The following CNTRL variants were observed in gnomAD, a reference collection of about 807,000 sequenced individuals.
The protein encoded by CNTRL is centriolin.
Under a neutral mutation model 303.7 loss-of-function variants are expected in CNTRL, and 233 were observed. The ratio of observed to expected loss-of-function variants is 0.77; its 90% CI spans 0.69 to 0.86. The LOEUF (loss-of-function observed/expected upper bound fraction) is 0.86. Ranked by LOEUF, CNTRL falls within the 40% of genes least tolerant of loss-of-function variation. The pLI is 0.00. For synonymous variants in CNTRL, 900 were observed against 922.2 expected, an observed-to-expected ratio of 0.98 and a Z score of 0.44; for missense variants, 2,524 against 2,650.6, an observed-to-expected ratio of 0.95 and a Z score of 1.05.
intron 15 of CNTRL, among the ~76,000 whole-genome samples, chr9:121,138,158 T>C (rs1271616991): frequency 2.0e-5 from 3 of 152,210 alleles, no homozygotes; most frequent in Non-Finnish European, 4.4e-5. Flanking sequence ...TGTCTGCATT[T>C]TTAACAGACA....
chr9:121,153,726 AT>A (rs1209656095), intron 26 of CNTRL, among the ~76,000 whole-genome samples: 1 of 152,208 alleles, frequency 6.6e-6, no homozygotes, highest in Non-Finnish European at 1.5e-5. Flanking sequence ...TCCATGAATT[AT>A]GACAGTTCCC....
rs1445435521 is a variant in CNTRL at position 121,177,443 on chromosome 9, CAT to C, written c.*258_*259del. The C allele has an allele frequency of 2.1e-5, 8 of 380,984 alleles. No individual in the cohort carries two copies. In the Admixed American group the frequency reaches 2.3e-4, roughly 11 times the overall value. The allele number at this position is 380,984 out of a possible 1,614,324, so 23.6% of individuals were successfully genotyped here. ...GCCTTTTTTTTTTTAATCTTCGTAA[CAT>C]GTTTAAAAAAAAACAGTGATTTTAA... On this transcript the variant is annotated 3_prime_UTR_variant, in exon 44 of 44. Coordinates refer to ENST00000373855, the MANE Select transcript of CNTRL (RefSeq NM_007018.6).
chr9:121,077,062 C>A (rs2047953629), intron 1 of CNTRL, among the ~76,000 whole-genome samples: 1 of 152,002 alleles, frequency 6.6e-6, no homozygotes, highest in Admixed American at 6.6e-5. Context: ...CTGTACTAAG[C>A]TGTGATGGAC....
chr9:121,099,157 C>T (rs764824471), intron 7 of CNTRL, among the ~76,000 whole-genome samples: 1 of 152,198 alleles, frequency 6.6e-6, no homozygotes, highest in Non-Finnish European at 1.5e-5. Flanking sequence ...AACTGGGAGG[C>T]ATCTCCCAGT....
chr9:121,098,336 TTA>T (rs1346712069), intron 6 of CNTRL, 48 bp from the exon 7 acceptor site: 2 of 1,330,890 alleles, frequency 1.5e-6, no homozygotes, highest in Non-Finnish European at 2.1e-6. Flanking sequence ...TTTAAGTATG[TTA>T]TGATTTTTAA....
At chr9:121,115,020 C>A in intron 10 of CNTRL, 71 bp from the exon 11 acceptor site, 3 of 919,748 alleles carry the variant, frequency 3.3e-6, no homozygotes, top group South Asian at 1.7e-5. Context: ...AGAAAGAATA[C>A]CTGGTTGAAA....
intron 23 of CNTRL, among the ~76,000 whole-genome samples, chr9:121,147,948 A>T (rs2051979143): frequency 6.6e-6 from 1 of 152,216 alleles, no homozygotes; most frequent in Admixed American, 6.5e-5. Flanking sequence ...GGAGGGTAGC[A>T]GAGTAGAGCT....
At chr9:121,093,396 T>A (rs990860681) in intron 4 of CNTRL, among the ~76,000 whole-genome samples, 2 of 152,170 alleles carry the variant, frequency 1.3e-5, no homozygotes, top group South Asian at 4.1e-4. Context: ...AAATGCTCAT[T>A]TGAGCATTTT....
chr9:121,143,927 C>T lies in CNTRL; in HGVS notation c.2896C>T (p.Gln966Ter). The T allele has an allele frequency of 6.3e-7, 1 of 1,597,682 alleles. No individual in the cohort carries two copies. Among genetic ancestry groups the T allele is most frequent in the Non-Finnish European group, 8.5e-7 (1 of 1,175,648 alleles). Residue 966 changes from glutamine (Q) to a stop codon, truncating the protein, a stop_gained, in exon 20 of 44, where the codon CAG (glutamine) becomes TAG (stop). Transcript: ENST00000373855. LOFTEE classifies it high-confidence loss of function. ...KKKKLEDAKSQEQVFGLDKEL... is the reference protein window; with the variant it reads ...KKKKLEDAKS ...GAAGAAACTTGAAGATGCCAAATCT[C>T]AGGAGCAAGTTTTTGGTTTAGATAA...
Position 121,091,251 on chromosome 9 carries a change from C to G in CNTRL, c.348+846C>G, listed in dbSNP as rs563743657. ...AACATGAACACATTATAATAGACAA[C>G]TTAATTCCTTTAATTGGAAGAAAAA... On this transcript the variant is annotated intron_variant, in intron 4 of 43. Coordinates refer to ENST00000373855, the MANE Select transcript of CNTRL (RefSeq NM_007018.6). Among the ~76,000 whole-genome samples, 21 of 152,278 alleles carry G rather than the reference C, an allele frequency of 1.4e-4. No individual in the cohort carries two copies. In the South Asian group the frequency reaches 3.3e-3, roughly 24 times the overall value.
At position 121,124,095 on chromosome 9, in the gene CNTRL, C is replaced by G; in HGVS notation, c.1804+11C>G. 3 of 1,595,784 alleles carry G rather than the reference C, an allele frequency of 1.9e-6. No homozygotes were observed. The highest frequency in any genetic ancestry group is 1.1e-5 in the South Asian group (1 of 87,202). ...AACAGCTTACTGAAGGTAAGACTTT[C>G]AGTATGATTTAAGGTAAATCAGTGT... On this transcript the variant is annotated intron_variant, in intron 13 of 43. Coordinates refer to ENST00000373855, the MANE Select transcript of CNTRL (RefSeq NM_007018.6).
Position 121,160,161 on chromosome 9 carries a change from G to A in CNTRL, c.4948G>A (p.Glu1650Lys). ...AACACAGGAAGTAAAATCTCTTCTG[G>A]AAGAACTGAGTTTTCAGAAAGGAGA... ...NHIREVKSLL[E>K]ELSFQKGELN... The change falls in exon 32 of 44, where the codon GAA becomes AAA. Residue 1650 changes from glutamate to lysine, a missense_variant. Transcript: ENST00000373855. 1.3e-6 allele frequency: 2 copies of A among 1,493,546 alleles called. No homozygotes were observed. The highest frequency in any genetic ancestry group is 2.5e-5 in the East Asian group (1 of 39,242). The allele number at this position is 1,493,546 out of a possible 1,614,324, so 92.5% of individuals were successfully genotyped here.
chr9:121,167,791 T>G lies in CNTRL; in HGVS notation c.5844+114T>G, dbSNP rs191763548. The stretch of plus-strand genomic sequence containing the variant: ...ATCCCCAATGGGACTATGTGTCCCT[T>G]AACTGCCCTGTGTAGCCATGGGTGG... On this transcript the variant is annotated intron_variant, in intron 37 of 43. Transcript: ENST00000373855. 1.2e-5 allele frequency: 11 copies of G among 908,618 alleles called. No individual in the cohort carries two copies. The East Asian group carries it at 2.9e-4, about 24-fold the overall frequency. 56.3% of individuals were successfully genotyped at this position (908,618 alleles called of 1,614,324 possible).
At chr9:121,157,377 TTGTTTTCCAAAAGAGCTGTAC>T (rs1392602816) in intron 27 of CNTRL, 72 bp from the exon 28 acceptor site, 1 of 1,305,172 alleles carries the variant, frequency 7.7e-7, no homozygotes, top group Non-Finnish European at 1.1e-6. Flanking sequence ...CTGTACCATC[TTGTTTTCCAAAAGAGCTGTAC>T]TGGTTTACAT....
intron 2 of CNTRL, among the ~76,000 whole-genome samples, chr9:121,082,220 G>T (rs984568892): frequency 6.6e-6 from 1 of 152,184 alleles, no homozygotes; most frequent in African/African-American, 2.4e-5. Flanking sequence ...GGATAGAAAA[G>T]GGAAGTGAGG....
At chr9:121,117,709 GT>G (rs1195875576) in intron 11 of CNTRL, among the ~76,000 whole-genome samples, 1 of 152,182 alleles carries the variant, frequency 6.6e-6, no homozygotes, top group Non-Finnish European at 1.5e-5. Context: ...GCTGGGCATG[GT>G]GGCTCATGCC....
intron 3 of CNTRL, 118 bp from the exon 4 acceptor site, chr9:121,090,157 C>G: frequency 1.6e-6 from 1 of 636,782 alleles, no homozygotes; most frequent in Non-Finnish European, 2.3e-6. Context: ...AAATAGCCAG[C>G]TTTTTTGGTA....
intron 14 of CNTRL, among the ~76,000 whole-genome samples, chr9:121,133,696 C>T (rs960156466): frequency 1.3e-5 from 2 of 152,212 alleles, no homozygotes. Context: ...AAACCAGGTA[C>T]CTCAGTTGGA....
chr9:121,084,273 G>A (rs1327411267), intron 2 of CNTRL, among the ~76,000 whole-genome samples: 1 of 152,074 alleles, frequency 6.6e-6, no homozygotes, highest in African/African-American at 2.4e-5. Context: ...GTACTTATAA[G>A]AACAACTGTG....
Sources: allele counts gnomAD v4.1 joint callset (sites outside exome capture counted in the v4.1 genomes callset), GRCh38; gene constraint gnomAD v4.1.1; transcripts MANE v1.5; gene names NCBI Gene and HGNC (gene_info 2026-07-23, HGNC 2026-07-21).